Variants in NUP133 observed in about 807,000 individuals in gnomAD.
NUP133 encodes nucleoporin 133, also known as nuclear pore complex protein Nup133.
Under a neutral mutation model 146.2 loss-of-function variants are expected in NUP133, and 66 were observed. The ratio of observed to expected loss-of-function variants is 0.45; its 90% confidence interval spans 0.37 to 0.55. The LOEUF (loss-of-function observed/expected upper bound fraction) is 0.55, where lower values mean the gene tolerates loss of function less well. Ranked by LOEUF, NUP133 falls within the 20% of genes least tolerant of loss-of-function variation. The pLI, the probability that NUP133 is intolerant of heterozygous loss-of-function variation, is 0.00. For synonymous variants in NUP133, 521 were observed against 498.8 expected (o/e 1.04, Z -0.59); for missense variants, 1,277 against 1,374.8 (o/e 0.93, Z 1.12).
chr1:229,482,551 T>C (rs564830068), intron 12 of NUP133, among the ~76,000 whole-genome samples: 2 of 152,260 alleles, frequency 1.3e-5, no homozygotes, highest in South Asian at 2.1e-4. Flanking sequence ...AAATGTGAAT[T>C]TGCCATACCT....
chr1:229,498,840 A>G (rs1405054888), intron 5 of NUP133, among the ~76,000 whole-genome samples: 1 of 151,638 alleles, frequency 6.6e-6, no homozygotes. Flanking sequence ...CTACAAGTTC[A>G]TCATATTTCA....
intron 19 of NUP133, 26 bp downstream of exon 19, chr1:229,463,517 G>C (rs757919553): frequency 6.3e-7 from 1 of 1,590,578 alleles, no homozygotes; most frequent in Non-Finnish European, 8.5e-7. Flanking sequence ...AAAGGACTCA[G>C]TGGCCACACA....
chr1:229,487,649 G>A, intron 9 of NUP133, 36 bp from the exon 10 acceptor site: 2 of 1,468,984 alleles, frequency 1.4e-6, no homozygotes. Flanking sequence ...TTAACAAGAA[G>A]TAAAACAAAA....
intron 24 of NUP133, among the ~76,000 whole-genome samples, chr1:229,445,492 T>C (rs1051380251): frequency 3.3e-5 from 5 of 152,172 alleles, no homozygotes; most frequent in Non-Finnish European, 5.9e-5. Flanking sequence ...GCTAATTTTT[T>C]ACTTTTGTGT....
In NUP133 at chr1:229,489,943, T is replaced by C; in HGVS notation, c.1194+12A>G. On this transcript the variant is annotated intron_variant, in intron 9 of 25. Coordinates refer to ENST00000261396, the MANE Select transcript of NUP133 (RefSeq NM_018230.3). ...TATTATTGCTTTGTAATTTAACCAA[T>C]ATAAATCTTACCTGAAAAGGTGGAT... 1.9e-6 allele frequency: 3 copies of C among 1,572,358 alleles called. No individual in the cohort carries two copies. Among genetic ancestry groups the C allele is most frequent in the Non-Finnish European group, 2.6e-6 (3 of 1,156,856 alleles).
At chr1:229,473,379 G>A (rs185017477) in intron 14 of NUP133, among the ~76,000 whole-genome samples, 2 of 152,296 alleles carry the variant, frequency 1.3e-5, no homozygotes, top group East Asian at 3.9e-4. Flanking sequence ...TAAAAGGCAT[G>A]GCTGGAATGG....
chr1:229,445,485 AATT>A (rs1034944010), intron 24 of NUP133, among the ~76,000 whole-genome samples: 2 of 152,110 alleles, frequency 1.3e-5, no homozygotes, highest in Non-Finnish European at 2.9e-5. Context: ...GTGCCTGGCT[AATT>A]TTTTACTTTT....
intron 10 of NUP133, among the ~76,000 whole-genome samples, chr1:229,487,121 T>A (rs1275598242): frequency 2.0e-5 from 3 of 152,096 alleles, no homozygotes; most frequent in Admixed American, 1.3e-4. Flanking sequence ...CCTGAAGCTC[T>A]TCTTATCTAG....
intron 22 of NUP133, 130 bp from the exon 23 acceptor site, chr1:229,450,735 GT>G (rs796890195): frequency 9.6e-5 from 46 of 478,264 alleles, no homozygotes; most frequent in South Asian, 2.1e-4. Context: ...TTGTTTGTTT[GT>G]TTTTTTTGAG....
In NUP133 at chr1:229,444,892, G is replaced by T. The variant is rs142675561; in HGVS notation, c.3334+22C>A. On this transcript the variant is annotated intron_variant, in intron 25 of 25. Coordinates refer to ENST00000261396, the MANE Select transcript of NUP133 (RefSeq NM_018230.3). ...GAGGAATGACACTGTAATTTCCAAC[G>T]GTATAGTAACAAACCACTTACCATC... The T allele has an allele frequency of 1.3e-5, 19 of 1,494,038 alleles. No homozygotes were observed. In the East Asian group the frequency reaches 3.6e-4, roughly 29 times the overall value. The allele number at this position is 1,494,038 out of a possible 1,614,324, so 92.5% of individuals were successfully genotyped here. A position where few individuals can be genotyped will look rare whatever the true frequency, so the allele number is the denominator to read the frequency against.
At chr1:229,460,458 T>C (rs1660668552) in intron 20 of NUP133, among the ~76,000 whole-genome samples, 153 bp downstream of exon 20, 1 of 152,202 alleles carries the variant, frequency 6.6e-6, no homozygotes. Flanking sequence ...ATTACAGGTA[T>C]AAGCCACCAT....
chr1:229,450,739 T>TTTGTTTG (rs111922560), intron 22 of NUP133, 134 bp from the exon 23 acceptor site: 111 of 470,148 alleles, frequency 2.4e-4, no homozygotes, highest in Middle Eastern at 1.8e-3. Context: ...TTGTTTGTTT[T>TTTGTTTG]TTTTGAGACA....
intron 12 of NUP133, among the ~76,000 whole-genome samples, chr1:229,483,696 C>CAAAA (rs35673633): frequency 1.6e-4 from 9 of 57,508 alleles, no homozygotes; most frequent in African/African-American, 2.5e-4. Flanking sequence ...CGGAGTGTCT[C>CAAAA]AAAAAAAAAA....
chr1:229,484,949 C>T (rs901678654), intron 11 of NUP133, among the ~76,000 whole-genome samples: 1 of 152,044 alleles, frequency 6.6e-6, no homozygotes, highest in Admixed American at 6.5e-5. Context: ...TTTAAAACTA[C>T]ACTTAATCAC....
At position 229,464,756 on chromosome 1, in the gene NUP133, C is replaced by A. The variant is rs776963861; in HGVS notation, c.2419G>T (p.Ala807Ser). Residue 807 changes from alanine to serine, a missense_variant, in exon 18 of 26, where the codon GCC becomes TCC. Ala to Ser is a moderately conservative substitution (Grantham distance 99). Around this residue, in one of 3 missense-constraint regions of NUP133, gnomAD observed 952 missense variants for 1,047.0 expected, o/e 0.91. Coordinates refer to ENST00000261396, the MANE Select transcript of NUP133 (RefSeq NM_018230.3). ...CCATCCAGGAAGCAATCGATCAGGG[C>A]TACCAGCTGCTCGGTCACGATGTTT... is the stretch of plus-strand genomic sequence containing the variant. ...LRNIVTEQLV[A>S]LIDCFLDGYV... The A allele has an allele frequency of 6.2e-7, 1 of 1,614,100 alleles. No homozygotes were observed. The highest frequency in any genetic ancestry group is 8.5e-7 in the Non-Finnish European group (1 of 1,180,062).
At chr1:229,477,367 G>A (rs540043445) in intron 13 of NUP133, among the ~76,000 whole-genome samples, 40 of 151,164 alleles carry the variant, frequency 2.6e-4, no homozygotes, top group African/African-American at 9.0e-4. Flanking sequence ...GTGAACCTGG[G>A]AGGTGGAGCT....
intron 14 of NUP133, among the ~76,000 whole-genome samples, chr1:229,472,729 T>TATATATATATATAC (rs1558097685): frequency 6.8e-6 from 1 of 147,844 alleles, no homozygotes; most frequent in African/African-American, 2.5e-5. Flanking sequence ...TATATATATG[T>TATATATATATATAC]ACAATCATTC....
rs756747026 is a variant in NUP133 at position 229,508,082 on chromosome 1, G to A, written c.168C>T (p.Ser56=). The stretch of plus-strand genomic sequence containing the variant: ...AGATCACTTACCGCGAGCTTAGCGA[G>A]CTACGCCGGCCGACCGGCGAGAAGA... ...PVLFSPVGRR[S]SLSSRGTPTR... Residue 56 remains serine, a synonymous_variant, in exon 1 of 26, where the codon AGC becomes AGT. Coordinates refer to ENST00000261396, the MANE Select transcript of NUP133 (RefSeq NM_018230.3). 2.9e-5 allele frequency: 44 copies of A among 1,503,416 alleles called. No individual in the cohort carries two copies. In the Admixed American group the frequency reaches 7.2e-4, roughly 25 times the overall value. 93.1% of individuals were successfully genotyped at this position (1,503,416 alleles called of 1,614,324 possible).
chr1:229,487,495 G>A lies in NUP133; in HGVS notation c.1313C>T (p.Pro438Leu). Residue 438 changes from proline (P) to leucine (L), a missense_variant, in exon 10 of 26, where the codon CCC becomes CTC. Physicochemically the swap from Pro to Leu is moderately conservative, Grantham distance 98. Around this residue, in one of 3 missense-constraint regions of NUP133, gnomAD observed 952 missense variants for 1,047.0 expected, o/e 0.91. Coordinates refer to ENST00000261396, the MANE Select transcript of NUP133 (RefSeq NM_018230.3). ...TGCATTAAAGACAATTTTCTCCTGG[G>A]GAAGAGAAAATTTCCCAGTTCCTGT... Reference protein sequence around the residue: ...CSTGTGKFSLPQEKIVFNAQG... With the variant: ...CSTGTGKFSLLQEKIVFNAQG... 2 of 1,613,296 alleles carry A rather than the reference G, an allele frequency of 1.2e-6. No individual in the cohort carries two copies. Among genetic ancestry groups the A allele is most frequent in the Middle Eastern group, 1.7e-4 (1 of 6,058 alleles).
Sources: allele counts gnomAD v4.1 joint callset (sites outside exome capture counted in the v4.1 genomes callset), GRCh38; gene constraint gnomAD v4.1.1; regional missense constraint gnomAD v4.1.1; transcripts MANE v1.5; gene names NCBI Gene and HGNC (gene_info 2026-07-23, HGNC 2026-07-21).